FXR1: variants seen among roughly 807,000 people sequenced by gnomAD.
FXR1 encodes FMR1 autosomal homolog 1.
Under a neutral mutation model 84.0 loss-of-function variants are expected in FXR1, and 15 were observed. The ratio of observed to expected loss-of-function variants is 0.18; its 90% CI spans 0.12 to 0.27. The LOEUF (loss-of-function observed/expected upper bound fraction) is 0.27, where lower values mean the gene tolerates loss of function less well. Among genes scored for constraint, FXR1 ranks in the 10% least tolerant of loss-of-function variants. FXR1 has a pLI of 1.00. For missense variants in FXR1, 480 were observed against 774.4 expected (o/e 0.62, Z 4.51); for synonymous variants, 245 against 250.7 (o/e 0.98, Z 0.21).
At chr3:180,920,630 G>A (rs1325141728) in intron 1 of FXR1, among the ~76,000 whole-genome samples, 2 of 151,466 alleles carry the variant, frequency 1.3e-5, no homozygotes, top group Admixed American at 1.3e-4. Context: ...TTGTGCCTCA[G>A]TAATTATTGT....
intron 14 of FXR1, among the ~76,000 whole-genome samples, chr3:180,969,892 A>G (rs1343120111): frequency 6.6e-6 from 1 of 152,222 alleles, no homozygotes; most frequent in Non-Finnish European, 1.5e-5. Flanking sequence ...TGTATATTTT[A>G]AAAACAAGGC....
chr3:180,934,602 T>C (rs1720315187), intron 2 of FXR1, among the ~76,000 whole-genome samples: 1 of 152,350 alleles, frequency 6.6e-6, no homozygotes, highest in South Asian at 2.1e-4. Flanking sequence ...TGAAATCTTT[T>C]GTAATTCAGC....
At chr3:180,945,013 A>G (rs1285096464) in intron 3 of FXR1, among the ~76,000 whole-genome samples, 3 of 152,254 alleles carry the variant, frequency 2.0e-5, no homozygotes, top group Non-Finnish European at 4.4e-5. Flanking sequence ...TCTACAATGA[A>G]TGCAGTTCTC....
intron 3 of FXR1, among the ~76,000 whole-genome samples, chr3:180,936,181 C>T (rs542339456): frequency 1.2e-4 from 19 of 152,134 alleles, no homozygotes; most frequent in African/African-American, 4.6e-4. Context: ...TGTGAGCCAC[C>T]GCGCCTAGCC....
rs971408494 is a variant in FXR1, at chr3:180,982,260, A to C, written c.*5968A>C. ...TACACTGTAAGTACTCAAATGTTACAGATCCAAGTATTTTGTAAGAAAATA... is the reference window on the plus strand; with the variant it reads ...TACACTGTAAGTACTCAAATGTTACCGATCCAAGTATTTTGTAAGAAAATA... On this transcript the variant is annotated 3_prime_UTR_variant, in exon 17 of 17. Coordinates refer to ENST00000357559, the MANE Select transcript of FXR1 (RefSeq NM_005087.4). The C allele has an allele frequency of 1.3e-5, 2 of 152,158 alleles. No individual in the cohort carries two copies. Among genetic ancestry groups the C allele is most frequent in the Non-Finnish European group, 2.9e-5 (2 of 67,982 alleles). The allele number at this position is 152,158 out of a possible 1,614,324, so 9.4% of individuals were successfully genotyped here.
Position 180,963,101 on chromosome 3 carries a change from ATTTTTT to A in FXR1, c.1198+24_1198+29del. ...ACACCTCCGGTTATGGTAAAAAAAAATTTTTTTTTTTTTTTTTTGGTAATAGTAATA... is the reference window on the plus strand; with the variant it reads ...ACACCTCCGGTTATGGTAAAAAAAAATTTTTTTTTTTTGGTAATAGTAATA... On this transcript the variant is annotated intron_variant, in intron 13 of 16. Coordinates refer to ENST00000357559, the MANE Select transcript of FXR1 (RefSeq NM_005087.4). The A allele has an allele frequency of 1.2e-6, 1 of 867,108 alleles. No individual in the cohort carries two copies. Among genetic ancestry groups the A allele is most frequent in the Non-Finnish European group, 1.8e-6 (1 of 556,224 alleles). The allele number at this position is 867,108 out of a possible 1,614,324, so 53.7% of individuals were successfully genotyped here. A position where few individuals can be genotyped will look rare whatever the true frequency, so the allele number is the denominator to read the frequency against.
intron 2 of FXR1, among the ~76,000 whole-genome samples, chr3:180,933,879 GGC>G (rs1319928981): frequency 6.6e-6 from 1 of 152,154 alleles, no homozygotes; most frequent in Admixed American, 6.5e-5. Flanking sequence ...GGGAGGCCGA[GGC>G]GGGCAGATCA....
At chr3:180,915,365 TAG>T in intron 1 of FXR1, 1 of 614,752 alleles carries the variant, frequency 1.6e-6, no homozygotes, top group Non-Finnish European at 2.8e-6. Flanking sequence ...CCCCAGCTTC[TAG>T]AGTGTTTTCT....
At chr3:180,948,858 G>A (rs753727371) in intron 6 of FXR1, 44 bp downstream of exon 6, 7 of 855,210 alleles carry the variant, frequency 8.2e-6, no homozygotes, top group Non-Finnish European at 6.0e-6. Context: ...AATGGATATT[G>A]CACAGATTTT....
intron 1 of FXR1, chr3:180,927,499 C>T: frequency 5.9e-6 from 3 of 507,108 alleles, no homozygotes; most frequent in Non-Finnish European, 1.0e-5. Flanking sequence ...ATATTCATAC[C>T]ATGTTTCTTT....
chr3:180,951,537 T>C, intron 8 of FXR1, 69 bp downstream of exon 8: 1 of 1,142,156 alleles, frequency 8.8e-7, no homozygotes, highest in Non-Finnish European at 1.3e-6. Context: ...TATTTTTATC[T>C]GAAATTCCAG....
chr3:180,944,672 T>C (rs1350848057), intron 3 of FXR1, among the ~76,000 whole-genome samples: 2 of 152,108 alleles, frequency 1.3e-5, no homozygotes, highest in Non-Finnish European at 2.9e-5. Flanking sequence ...TGCTGGAGTA[T>C]AGTGAAGCAA....
At chr3:180,913,757 C>T (rs1007511201) in intron 1 of FXR1, among the ~76,000 whole-genome samples, 3 of 152,138 alleles carry the variant, frequency 2.0e-5, no homozygotes, top group African/African-American at 7.2e-5. Context: ...ACAGAATCTC[C>T]CCAGCTGTTG....
intron 11 of FXR1, 21 bp downstream of exon 11, chr3:180,961,575 A>T (rs1308940846): frequency 9.6e-7 from 1 of 1,040,050 alleles, no homozygotes; most frequent in African/African-American, 1.6e-5. Context: ...GGTTCATACT[A>T]TATTCTGATA....
rs1018271694 is a variant in FXR1, at chr3:180,978,196, AG to A, written c.*1905del. The A allele has an allele frequency of 1.3e-5, 2 of 150,718 alleles. No homozygotes were observed. Among genetic ancestry groups the A allele is most frequent in the Non-Finnish European group, 2.9e-5 (2 of 67,806 alleles). The allele number at this position is 150,718 out of a possible 1,614,324, so 9.3% of individuals were successfully genotyped here. A position where few individuals can be genotyped will look rare whatever the true frequency, so the allele number is the denominator to read the frequency against. ...AAATATGGTGTAAAAAAAAAAAAAAAGACTTTTCATTTTCTCCCACATAGAA... is the reference window on the plus strand; with the variant it reads ...AAATATGGTGTAAAAAAAAAAAAAAAACTTTTCATTTTCTCCCACATAGAA... On this transcript the variant is annotated 3_prime_UTR_variant, in exon 17 of 17. Transcript: ENST00000357559.
rs909696996 is a variant in FXR1, at chr3:180,982,331, C to A, written c.*6039C>A. On this transcript the variant is annotated 3_prime_UTR_variant, in exon 17 of 17. Coordinates refer to ENST00000357559, the MANE Select transcript of FXR1 (RefSeq NM_005087.4). ...TTTTATGGATCGTATTTGTATCAATCACCTACATGATCTAGAGCCCTCACA... is the reference window on the plus strand; with the variant it reads ...TTTTATGGATCGTATTTGTATCAATAACCTACATGATCTAGAGCCCTCACA... The A allele has an allele frequency of 7.1e-6, 1 of 141,824 alleles. No homozygotes were observed. Among genetic ancestry groups the A allele is most frequent in the African/African-American group, 2.7e-5 (1 of 36,968 alleles). 8.8% of individuals were successfully genotyped at this position (141,824 alleles called of 1,614,324 possible).
chr3:180,935,197 T>A lies in FXR1; in HGVS notation c.164T>A (p.Ile55Lys). The part of the protein sequence containing the change: ...NEVRLPPPPD[I>K]KKEISEGDEV... Reference sequence around the variant, plus strand: ...GTTAGATTACCACCACCACCTGATATAAAAAAAGAAATTAGTGAAGGAGAT... The same window carrying A: ...GTTAGATTACCACCACCACCTGATAAAAAAAAAGAAATTAGTGAAGGAGAT... The change falls in exon 3 of 17, where the codon ATA (isoleucine) becomes AAA (lysine). Residue 55 changes from isoleucine (I) to lysine (K), a missense_variant. Coordinates refer to ENST00000357559, the MANE Select transcript of FXR1 (RefSeq NM_005087.4). 1 of 1,565,548 alleles carries A rather than the reference T, an allele frequency of 6.4e-7. No individual in the cohort carries two copies. The highest frequency in any genetic ancestry group is 8.8e-7 in the Non-Finnish European group (1 of 1,136,520).
rs1319355349 is a variant in FXR1, at chr3:180,977,585, A to G, written c.*1293A>G. On this transcript the variant is annotated 3_prime_UTR_variant, in exon 17 of 17. Transcript: ENST00000357559. ...ATATTTTAGCCAGAGCTTAATTTTT[A>G]TGAAGATAAAGACATGAAGTTTAAC... 1 of 152,132 alleles carries G rather than the reference A, an allele frequency of 6.6e-6. No individual in the cohort carries two copies. The highest frequency in any genetic ancestry group is 2.4e-5 in the African/African-American group (1 of 41,454). The allele number at this position is 152,132 out of a possible 1,614,324, so 9.4% of individuals were successfully genotyped here.
chr3:180,950,077 TATC>T (rs1722071640), intron 7 of FXR1, among the ~76,000 whole-genome samples: 1 of 152,144 alleles, frequency 6.6e-6, no homozygotes, highest in Non-Finnish European at 1.5e-5. Flanking sequence ...ATATTAAGCT[TATC>T]ATTATATCTC....
Sources: allele counts gnomAD v4.1 joint callset (sites outside exome capture counted in the v4.1 genomes callset), GRCh38; gene constraint gnomAD v4.1.1; transcripts MANE v1.5; gene names NCBI Gene and HGNC (gene_info 2026-07-23, HGNC 2026-07-21).